SLC14A2: variants seen among roughly 807,000 people sequenced by gnomAD.
SLC14A2 encodes urea transporter 2.
In SLC14A2, 91 loss-of-function variants were observed where a neutral mutation model predicts 104.6. That is an observed-to-expected ratio of 0.87 (90% CI 0.73 to 1.04). SLC14A2 has a LOEUF of 1.04. SLC14A2 is among the 50% of genes least tolerant of loss of function. The pLI is 0.00. For synonymous variants in SLC14A2, 476 were observed against 466.4 expected, an observed-to-expected ratio of 1.02 and a Z score of -0.27; for missense variants, 1,189 against 1,156.0, an observed-to-expected ratio of 1.03 and a Z score of -0.41.
At chr18:45,524,399 G>A (rs1475713594) in intron 2 of SLC14A2, among the ~76,000 whole-genome samples, 6 of 152,322 alleles carry the variant, frequency 3.9e-5, no homozygotes, top group African/African-American at 7.2e-5. Flanking sequence ...CCAGTAGGGT[G>A]TGAATAGAAT....
At chr18:45,265,177 G>T (rs1159552379) in intron 1 of SLC14A2, among the ~76,000 whole-genome samples, 1 of 152,116 alleles carries the variant, frequency 6.6e-6, no homozygotes. Flanking sequence ...GGATTGTTGA[G>T]GTTGGATCAG....
At chr18:45,448,276 T>A (rs572004733) in intron 1 of SLC14A2, among the ~76,000 whole-genome samples, 3 of 152,254 alleles carry the variant, frequency 2.0e-5, no homozygotes, top group Non-Finnish European at 2.9e-5. Context: ...TAATCCAACA[T>A]TGTGACCTTA....
intron 2 of SLC14A2, among the ~76,000 whole-genome samples, chr18:45,605,835 G>A (rs149197857): frequency 6.6e-6 from 1 of 152,216 alleles, no homozygotes; most frequent in African/African-American, 2.4e-5. Context: ...GCATGGAACA[G>A]CAGCCTGCAG....
intron 1 of SLC14A2, among the ~76,000 whole-genome samples, chr18:45,463,017 C>T (rs2087073638): frequency 1.3e-5 from 2 of 152,112 alleles, no homozygotes; most frequent in East Asian, 3.9e-4. Context: ...AATGTCCATT[C>T]TTATAATGTG....
chr18:45,668,316 C>T, intron 14 of SLC14A2, 33 bp from the exon 15 acceptor site: 7 of 1,612,366 alleles, frequency 4.3e-6, no homozygotes, highest in Non-Finnish European at 5.9e-6. Flanking sequence ...CTGGGGAAGC[C>T]CCTGCTCCAC....
intron 1 of SLC14A2, among the ~76,000 whole-genome samples, chr18:45,400,299 T>G (rs1291014206): frequency 6.6e-6 from 1 of 152,194 alleles, no homozygotes; most frequent in Admixed American, 6.5e-5. Context: ...CTCCTACTCT[T>G]GATGTGTTTT....
At chr18:45,479,671 T>C (rs894576305) in intron 1 of SLC14A2, among the ~76,000 whole-genome samples, 4 of 152,204 alleles carry the variant, frequency 2.6e-5, no homozygotes, top group African/African-American at 9.7e-5. Context: ...TTTTTATGGA[T>C]GTATTTTGAA....
At chr18:45,663,075 A>T (rs1567999457) in intron 10 of SLC14A2, among the ~76,000 whole-genome samples, 1 of 152,188 alleles carries the variant, frequency 6.6e-6, no homozygotes, top group Non-Finnish European at 1.5e-5. Context: ...CAGACTCAGC[A>T]CTCCTAGCTC....
chr18:45,194,687 C>G, the SLC14A2 span, among the ~76,000 whole-genome samples: 351 of 126,844 alleles, frequency 2.8e-3, 1 homozygote, highest in African/African-American at 0.01. Flanking sequence ...ACACTGTTGC[C>G]CAGGCTGGAG....
At chr18:45,401,032 AG>A (rs1234884965) in intron 1 of SLC14A2, among the ~76,000 whole-genome samples, 1 of 152,162 alleles carries the variant, frequency 6.6e-6, no homozygotes, top group Non-Finnish European at 1.5e-5. Context: ...TCAGTGAGCA[AG>A]GGCCTTTAGA....
At chr18:45,608,221 A>G (rs1297077934) in intron 2 of SLC14A2, among the ~76,000 whole-genome samples, 2 of 152,194 alleles carry the variant, frequency 1.3e-5, no homozygotes, top group African/African-American at 4.8e-5. Context: ...TAACCTTCCA[A>G]ATATTTACTT....
At chr18:45,219,560 G>A (rs1249421172) in intron 1 of SLC14A2, among the ~76,000 whole-genome samples, 1 of 152,202 alleles carries the variant, frequency 6.6e-6, no homozygotes, top group Non-Finnish European at 1.5e-5. Flanking sequence ...GGGGCTATAT[G>A]AGACTCATGG....
chr18:45,205,766 T>A, the SLC14A2 span, among the ~76,000 whole-genome samples: 2 of 152,236 alleles, frequency 1.3e-5, no homozygotes, highest in Non-Finnish European at 2.9e-5. Flanking sequence ...GGTCCCTGGC[T>A]GGACCTATCC....
At chr18:45,334,099 G>A (rs1568155791) in intron 1 of SLC14A2, among the ~76,000 whole-genome samples, 2 of 152,154 alleles carry the variant, frequency 1.3e-5, no homozygotes, top group Non-Finnish European at 2.9e-5. Flanking sequence ...TGTTGCTTTT[G>A]TTCCTTGAGG....
intron 1 of SLC14A2, among the ~76,000 whole-genome samples, chr18:45,359,321 C>T (rs1270302120): frequency 1.3e-5 from 2 of 152,142 alleles, no homozygotes; most frequent in African/African-American, 4.8e-5. Flanking sequence ...GCAGGCCCCC[C>T]CGTCTAGCGT....
At chr18:45,678,416 A>G (rs1399388697) in intron 18 of SLC14A2, among the ~76,000 whole-genome samples, 1 of 152,184 alleles carries the variant, frequency 6.6e-6, no homozygotes, top group Non-Finnish European at 1.5e-5. Flanking sequence ...AGGGTTTGGA[A>G]GCAAAGGCCA....
At chr18:45,527,088 G>A (rs552200431) in intron 2 of SLC14A2, among the ~76,000 whole-genome samples, 2 of 152,204 alleles carry the variant, frequency 1.3e-5, no homozygotes, top group Non-Finnish European at 2.9e-5. Flanking sequence ...TTGCCCAAAA[G>A]TCACATAGCT....
At chr18:45,210,947 CAA>C (rs2083956357), upstream of SLC14A2, among the ~76,000 whole-genome samples, 1 of 152,108 alleles carries the variant, frequency 6.6e-6, no homozygotes, top group Non-Finnish European at 1.5e-5. Flanking sequence ...ATGAAAGAAA[CAA>C]AGACTGAGGC....
At chr18:45,525,963 G>T (rs1212886559) in intron 2 of SLC14A2, among the ~76,000 whole-genome samples, 2 of 152,172 alleles carry the variant, frequency 1.3e-5, no homozygotes, top group Admixed American at 6.5e-5. Flanking sequence ...AATCAATTCA[G>T]TAGCTCAAAG....
Sources: gnomAD v4.1 joint callset for allele counts (sites outside exome capture counted in the v4.1 genomes callset) on GRCh38, gnomAD v4.1.1 for gene constraint, MANE v1.5 for transcripts, NCBI Gene and HGNC (gene_info 2026-07-23, HGNC 2026-07-21) for gene names.